The following CNTN5 variants were observed in gnomAD, a reference collection of about 807,000 sequenced individuals.
CNTN5 encodes the protein contactin 5.
A neutral mutation model predicts 129.1 loss-of-function variants in CNTN5; 77 were observed. The observed-to-expected ratio is 0.60, with a 90% CI of 0.50 to 0.72. The LOEUF is 0.72. Ranked by LOEUF, CNTN5 falls within the 30% of genes least tolerant of loss-of-function variation. The pLI, the probability that CNTN5 is intolerant of heterozygous loss-of-function variation, is 0.00. For missense variants in CNTN5, 1,478 were observed against 1,328.8 expected (o/e 1.11, Z -1.75); for synonymous variants, 509 against 465.6 (o/e 1.09, Z -1.20).
intron 3 of CNTN5, among the ~76,000 whole-genome samples, chr11:99,752,374 C>G (rs993086408): frequency 6.6e-6 from 1 of 152,152 alleles, no homozygotes; most frequent in East Asian, 1.9e-4. Flanking sequence ...ATGTCATTAG[C>G]AAACTACTCT....
rs1950375417 is a variant in CNTN5 at position 99,939,011 on chromosome 11, A to G, written c.674-17795A>G. ...ACTCTTTGTAAACACTGAAACTTGT[A>G]TAGGTTTGCCCACAGTAGACTGACT... On this transcript the variant is annotated intron_variant, in intron 7 of 24. Coordinates refer to ENST00000524871, the MANE Select transcript of CNTN5 (RefSeq NM_014361.4). Among the ~76,000 whole-genome samples, 3 of 152,122 alleles carry G rather than the reference A, an allele frequency of 2.0e-5. No individual in the cohort carries two copies. In the South Asian group the frequency reaches 6.2e-4, roughly 31 times the overall value.
chr11:99,112,152 A>C (rs748396188), intron 1 of CNTN5, among the ~76,000 whole-genome samples: 28 of 152,094 alleles, frequency 1.8e-4, no homozygotes, highest in Non-Finnish European at 2.5e-4. Context: ...TAGAAAAGAC[A>C]TATGTTACAC....
At chr11:99,797,361 A>G (rs948690551) in intron 3 of CNTN5, among the ~76,000 whole-genome samples, 1 of 152,112 alleles carries the variant, frequency 6.6e-6, no homozygotes, top group African/African-American at 2.4e-5. Context: ...AAATTTACAT[A>G]CCTGCCAATA....
intron 1 of CNTN5, among the ~76,000 whole-genome samples, chr11:99,061,996 A>C (rs1864901037): frequency 6.6e-6 from 1 of 152,028 alleles, no homozygotes; most frequent in South Asian, 2.1e-4. Flanking sequence ...TGTCTCAAAA[A>C]AAAAAAAAGT....
chr11:99,975,485 A>C (rs536207188), intron 8 of CNTN5, among the ~76,000 whole-genome samples: 1 of 152,294 alleles, frequency 6.6e-6, no homozygotes, highest in African/African-American at 2.4e-5. Flanking sequence ...GCCCATTCTC[A>C]CACTGCTATA....
chr11:99,138,057 A>G (rs1859323639), intron 1 of CNTN5, among the ~76,000 whole-genome samples: 1 of 152,176 alleles, frequency 6.6e-6, no homozygotes, highest in Non-Finnish European at 1.5e-5. Flanking sequence ...AAAAGTTTTT[A>G]GCTGATTTCT....
At chr11:99,342,093 C>A (rs1315572832) in intron 2 of CNTN5, among the ~76,000 whole-genome samples, 1 of 152,046 alleles carries the variant, frequency 6.6e-6, no homozygotes, top group African/African-American at 2.4e-5. Context: ...TCATGCTGAT[C>A]TTTTCCATAT....
intron 1 of CNTN5, among the ~76,000 whole-genome samples, chr11:99,099,961 G>T (rs189741527): frequency 2.6e-5 from 4 of 152,036 alleles, no homozygotes; most frequent in Non-Finnish European, 5.9e-5. Flanking sequence ...GACAGATTTG[G>T]TTGAAATCAT....
intron 1 of CNTN5, among the ~76,000 whole-genome samples, chr11:99,189,014 C>A (rs183991502): frequency 6.6e-6 from 1 of 151,816 alleles, no homozygotes; most frequent in Non-Finnish European, 1.5e-5. Flanking sequence ...CCTCCCTCAA[C>A]CCTTGATTCT....
chr11:100,158,287 G>T (rs1947325046), intron 13 of CNTN5, among the ~76,000 whole-genome samples: 1 of 151,828 alleles, frequency 6.6e-6, no homozygotes, highest in Non-Finnish European at 1.5e-5. Context: ...AATTGCAGTT[G>T]TAAGATGCAT....
rs1428129877 is a variant in CNTN5, at chr11:99,845,083, T to C, written c.402-4T>C. On this transcript the variant is annotated splice_region_variant and splice_polypyrimidine_tract_variant and intron_variant, in intron 5 of 24. Coordinates refer to ENST00000524871, the MANE Select transcript of CNTN5 (RefSeq NM_014361.4). ...ACATATTTGTCTTCTGATTTTTTCCTAAGATGGCTTCGAAATGGAACAGAA... is the reference window on the plus strand; with the variant it reads ...ACATATTTGTCTTCTGATTTTTTCCCAAGATGGCTTCGAAATGGAACAGAA... The C allele has an allele frequency of 2.5e-6, 4 of 1,613,004 alleles. No homozygotes were observed. Among genetic ancestry groups the C allele is most frequent in the Non-Finnish European group, 2.5e-6 (3 of 1,179,394 alleles).
At chr11:99,144,835 T>C (rs1490432535) in intron 1 of CNTN5, among the ~76,000 whole-genome samples, 1 of 152,226 alleles carries the variant, frequency 6.6e-6, no homozygotes, top group East Asian at 1.9e-4. Context: ...TTATCGCCTG[T>C]CTGTATTCTC....
chr11:99,830,152 C>T (rs1344638843), intron 4 of CNTN5, among the ~76,000 whole-genome samples: 3 of 151,994 alleles, frequency 2.0e-5, no homozygotes, highest in African/African-American at 7.2e-5. Flanking sequence ...TTCTGTTTGT[C>T]CTGATTCAGA....
intron 1 of CNTN5, among the ~76,000 whole-genome samples, chr11:99,124,641 A>T (rs1445060912): frequency 1.3e-5 from 2 of 152,056 alleles, no homozygotes; most frequent in Non-Finnish European, 2.9e-5. Context: ...GGAAATTGAG[A>T]TGAGAAGAGC....
intron 1 of CNTN5, among the ~76,000 whole-genome samples, chr11:99,052,196 G>T (rs1286347755): frequency 2.0e-5 from 3 of 151,798 alleles, no homozygotes; most frequent in Non-Finnish European, 4.4e-5. Flanking sequence ...GTGTGTATAT[G>T]TAACATATGT....
rs74766203 is a variant in CNTN5 at position 99,431,529 on chromosome 11, G to T, written c.-71+106045G>T. On this transcript the variant is annotated intron_variant, in intron 2 of 24. Transcript: ENST00000524871. ...TTGGGGAGATCAGGAATTCCTTGGAGGGGGGAAACTCCCAGATCTCAGCAA... is the reference window on the plus strand; with the variant it reads ...TTGGGGAGATCAGGAATTCCTTGGATGGGGGAAACTCCCAGATCTCAGCAA... 7.8e-3 allele frequency among the ~76,000 whole-genome samples: 1,189 copies of T among 152,154 alleles called. 16 individuals carry two copies. Among genetic ancestry groups the T allele is most frequent in the African/African-American group, 0.026 (1,098 of 41,490 alleles).
intron 4 of CNTN5, among the ~76,000 whole-genome samples, chr11:99,842,983 C>A (rs753023927): frequency 1.3e-5 from 2 of 152,166 alleles, no homozygotes; most frequent in African/African-American, 2.4e-5. Context: ...GCATTCCCAG[C>A]ACTTTGGGAG....
intron 3 of CNTN5, among the ~76,000 whole-genome samples, chr11:99,767,821 A>G (rs188502460): frequency 6.6e-6 from 1 of 152,102 alleles, no homozygotes; most frequent in African/African-American, 2.4e-5. Flanking sequence ...TTCCACTTCT[A>G]TAATAAAATG....
intron 3 of CNTN5, among the ~76,000 whole-genome samples, chr11:99,570,607 G>A (rs1949146238): frequency 6.6e-6 from 1 of 152,154 alleles, no homozygotes; most frequent in Non-Finnish European, 1.5e-5. Flanking sequence ...TATTTATTAT[G>A]TGCCTGCTAG....
Sources: allele counts gnomAD v4.1 joint callset (sites outside exome capture counted in the v4.1 genomes callset), GRCh38; gene constraint gnomAD v4.1.1; transcripts MANE v1.5; gene names NCBI Gene and HGNC (gene_info 2026-07-23, HGNC 2026-07-21).